The following SENP6 variants were observed in gnomAD, a reference collection of about 807,000 sequenced individuals.
SENP6 encodes the protein sentrin-specific protease 6.
SENP6 carries 41 observed loss-of-function variants against 134.5 expected under a neutral mutation model. The ratio of observed to expected loss-of-function variants is 0.30; its 90% CI spans 0.24 to 0.40. The LOEUF (loss-of-function observed/expected upper bound fraction) is 0.40. Among genes scored for constraint, SENP6 ranks in the 10% least tolerant of loss-of-function variants. SENP6 has a pLI of 1.00. For missense variants in SENP6, 1,248 were observed against 1,312.5 expected (o/e 0.95, Z 0.76); for synonymous variants, 395 against 429.8 (o/e 0.92, Z 1.00).
intron 1 of SENP6, among the ~76,000 whole-genome samples, chr6:75,612,410 C>T (rs1767521969): frequency 3.3e-5 from 5 of 152,148 alleles, no homozygotes; most frequent in Admixed American, 3.3e-4. Context: ...TGGCTCATTG[C>T]AGTCTCAAAC....
rs767254420 is a variant in SENP6, at chr6:75,666,884, A to C, written c.1167A>C (p.Pro389=). Residue 389 remains proline (P), a synonymous_variant, in exon 10 of 24, where the codon CCA becomes CCC. Coordinates refer to ENST00000447266, the MANE Select transcript of SENP6 (RefSeq NM_015571.4). ...CRAERELRSI[P]EDSELNTVTL... ...CAGAGCGTGAACTACGAAGCATTCC[A>C]GAAGACTCAGAGTTAAATACAGTTA... The C allele has an allele frequency of 1.2e-6, 2 of 1,611,980 alleles. No homozygotes were observed. The highest frequency in any genetic ancestry group is 2.2e-5 in the South Asian group (2 of 90,944).
At chr6:75,651,434 A>T (rs917403663) in intron 7 of SENP6, among the ~76,000 whole-genome samples, 3 of 152,174 alleles carry the variant, frequency 2.0e-5, no homozygotes, top group Non-Finnish European at 4.4e-5. Context: ...GGCTCACTGC[A>T]GCCTCGACCT....
At chr6:75,634,640 A>T (rs1234874521) in intron 4 of SENP6, 67 bp from the exon 5 acceptor site, 23 of 867,242 alleles carry the variant, frequency 2.7e-5, no homozygotes, top group East Asian at 2.1e-4. Context: ...ATTTTAAAAG[A>T]TTTTTTTTAT....
At chr6:75,643,116 A>T (rs1480570401) in intron 6 of SENP6, among the ~76,000 whole-genome samples, 1 of 152,222 alleles carries the variant, frequency 6.6e-6, no homozygotes, top group African/African-American at 2.4e-5. Flanking sequence ...AGGAAGCAAA[A>T]GAGTATGTTG....
At chr6:75,674,146 CTTTT>C (rs770350544) in intron 11 of SENP6, among the ~76,000 whole-genome samples, 2,279 of 128,458 alleles carry the variant, frequency 0.018, 33 homozygotes, top group African/African-American at 0.04. Context: ...CAAGCTACTC[CTTTT>C]TTTTTTTTTT....
rs527291752 is a variant in SENP6, at chr6:75,700,855, A to T, written c.2289-1790A>T. 1.5e-4 allele frequency among the ~76,000 whole-genome samples: 23 copies of T among 152,318 alleles called. No individual in the cohort carries two copies. The East Asian group carries it at 4.4e-3, about 29-fold the overall frequency. ...ATGTCTAAAGTTGAGATGTGACTTT[A>T]TAAATAAAATAAAATTAGCTATGTG... On this transcript the variant is annotated intron_variant, in intron 18 of 23. Coordinates refer to ENST00000447266, the MANE Select transcript of SENP6 (RefSeq NM_015571.4).
At chr6:75,651,003 C>T (rs1770819205) in intron 7 of SENP6, among the ~76,000 whole-genome samples, 1 of 152,146 alleles carries the variant, frequency 6.6e-6, no homozygotes, top group South Asian at 2.1e-4. Context: ...AGCCACATAT[C>T]AGTACTTACC....
chr6:75,604,700 T>C (rs1032481677), intron 1 of SENP6, among the ~76,000 whole-genome samples: 28 of 152,124 alleles, frequency 1.8e-4, no homozygotes. Flanking sequence ...ATTGAATCTT[T>C]CCAAATAAAT....
At chr6:75,662,285 GT>G (rs199538730) in intron 8 of SENP6, among the ~76,000 whole-genome samples, 6 of 149,238 alleles carry the variant, frequency 4.0e-5, no homozygotes, top group Non-Finnish European at 7.4e-5. Context: ...ATTTTAATCA[GT>G]TTTTTTTTTC....
At chr6:75,635,176 G>T in intron 5 of SENP6, 1 of 264,500 alleles carries the variant, frequency 3.8e-6, no homozygotes, top group Non-Finnish European at 7.5e-6. Context: ...TTCTTTATAA[G>T]GCTTATAAGA....
At chr6:75,683,640 TTATTAAA>T in intron 16 of SENP6, among the ~76,000 whole-genome samples, 1 of 152,048 alleles carries the variant, frequency 6.6e-6, no homozygotes, top group South Asian at 2.1e-4. Context: ...CCAGCACCAT[TTATTAAA>T]TAGGGAATCC....
At chr6:75,666,201 ATATGATATATATAAG>A (rs1196230105) in intron 9 of SENP6, among the ~76,000 whole-genome samples, 1 of 144,198 alleles carries the variant, frequency 6.9e-6, no homozygotes, top group African/African-American at 2.5e-5. Context: ...TAAAACGTAT[ATATGATATATATAAG>A]TATGATATAT....
intron 1 of SENP6, among the ~76,000 whole-genome samples, chr6:75,619,799 AAAT>A (rs1400386876): frequency 6.6e-6 from 1 of 152,178 alleles, no homozygotes; most frequent in Non-Finnish European, 1.5e-5. Flanking sequence ...TTTTAAAAGT[AAAT>A]AATAGCAGCC....
intron 8 of SENP6, among the ~76,000 whole-genome samples, chr6:75,662,009 G>A (rs981464214): frequency 7.9e-5 from 12 of 152,174 alleles, no homozygotes; most frequent in South Asian, 2.1e-4. Context: ...CCAAGATTGC[G>A]CCATTGCACT....
At position 75,647,793 on chromosome 6, in the gene SENP6, A is replaced by C. The variant is rs774862592; in HGVS notation, c.542A>C (p.Gln181Pro). The C allele has an allele frequency of 1.2e-6, 2 of 1,612,326 alleles. No homozygotes were observed. Among genetic ancestry groups the C allele is most frequent in the African/African-American group, 2.7e-5 (2 of 75,002 alleles). ...AATCCTGTAAGGTTAAGTCGGCTCC[A>C]AGGTGTTGGTAAGTGTGCAGTTTTG... ...EINPVRLSRL[Q>P]GVERIMKKTE... Residue 181 changes from glutamine (Q) to proline (P), a missense_variant, in exon 7 of 24, where the codon CAA becomes CCA. Physicochemically the swap from Gln to Pro is moderately conservative, Grantham distance 76. Transcript: ENST00000447266.
rs139161567 is a variant in SENP6, at chr6:75,682,130, A to G, written c.2075+3203A>G. On this transcript the variant is annotated intron_variant, in intron 16 of 23. Coordinates refer to ENST00000447266, the MANE Select transcript of SENP6 (RefSeq NM_015571.4). ...AATAAACTTCTGAGGAAAGAAAATT[A>G]CCAGGGATCAAGAAGGATGTTATGT... Among the ~76,000 whole-genome samples, 481 of 152,322 alleles carry G rather than the reference A, an allele frequency of 3.2e-3. 2 individuals are homozygous for G. Among genetic ancestry groups the G allele is most frequent in the Middle Eastern group, 0.014 (4 of 294 alleles).
At chr6:75,687,286 T>G (rs982494397) in intron 16 of SENP6, among the ~76,000 whole-genome samples, 4 of 152,232 alleles carry the variant, frequency 2.6e-5, no homozygotes, top group African/African-American at 9.6e-5. Flanking sequence ...TTATTCTAGT[T>G]AGCTATTCAT....
At chr6:75,629,893 G>A (rs190956844) in intron 3 of SENP6, among the ~76,000 whole-genome samples, 2,082 of 152,186 alleles carry the variant, frequency 0.014, 21 homozygotes, top group Middle Eastern at 0.034. Context: ...ATTAGCAGCA[G>A]ATATGAGTGA....
chr6:75,709,280 A>G (rs1230718382), intron 19 of SENP6, among the ~76,000 whole-genome samples: 1 of 152,168 alleles, frequency 6.6e-6, no homozygotes, highest in African/African-American at 2.4e-5. Flanking sequence ...ACTTAATCAT[A>G]TAGCTGATAA....
Sources: gnomAD v4.1 joint callset for allele counts (sites outside exome capture counted in the v4.1 genomes callset) on GRCh38, gnomAD v4.1.1 for gene constraint, MANE v1.5 for transcripts, NCBI Gene and HGNC (gene_info 2026-07-23, HGNC 2026-07-21) for gene names.